PDE10A: variants seen among roughly 807,000 people sequenced by gnomAD.
PDE10A encodes the protein phosphodiesterase 10A, also known as cAMP and cAMP-inhibited cGMP 3',5'-cyclic phosphodiesterase 10A.
A neutral mutation model predicts 97.7 loss-of-function variants in PDE10A; 39 were observed. The ratio of observed to expected loss-of-function variants is 0.40; its 90% CI spans 0.31 to 0.52. The LOEUF (loss-of-function observed/expected upper bound fraction) is 0.52. Among genes scored for constraint, PDE10A ranks in the 20% least tolerant of loss-of-function variants. PDE10A has a pLI of 0.56. For synonymous variants in PDE10A, 371 were observed against 376.8 expected (o/e 0.98, Z 0.18); for missense variants, 731 against 1,047.8 (o/e 0.70, Z 4.17).
chr6:165,927,341 C>A (rs78832964), intron 1 of PDE10A, among the ~76,000 whole-genome samples: 8,352 of 151,928 alleles, frequency 0.055, 290 homozygotes, highest in Middle Eastern at 0.1. Context: ...AGCCTAAAAG[C>A]CAACAACAGA....
chr6:165,373,079 C>CAATTTTTATAT (rs1483368727), intron 18 of PDE10A, among the ~76,000 whole-genome samples: 4 of 150,084 alleles, frequency 2.7e-5, no homozygotes, highest in African/African-American at 9.9e-5. Context: ...AAAATTAATT[C>CAATTTTTATAT]AAGATGGATT....
chr6:165,897,590 T>C (rs2128483575), intron 1 of PDE10A, among the ~76,000 whole-genome samples: 1 of 151,418 alleles, frequency 6.6e-6, no homozygotes, highest in South Asian at 2.1e-4. Context: ...GTTTCAATGA[T>C]GGGATCATGG....
At chr6:165,519,173 A>T (rs1176881054) in intron 2 of PDE10A, among the ~76,000 whole-genome samples, 1 of 152,210 alleles carries the variant, frequency 6.6e-6, no homozygotes, top group Non-Finnish European at 1.5e-5. Flanking sequence ...TGCATTTGAT[A>T]GAAGAAACTG....
intron 1 of PDE10A, among the ~76,000 whole-genome samples, chr6:165,558,755 C>G (rs1784379863): frequency 6.6e-6 from 1 of 151,992 alleles, no homozygotes; most frequent in South Asian, 2.1e-4. Flanking sequence ...AATAAGGGAA[C>G]TCAAAAAACG....
intron 1 of PDE10A, among the ~76,000 whole-genome samples, chr6:165,566,949 C>T (rs1784806278): frequency 6.6e-6 from 1 of 152,138 alleles, no homozygotes; most frequent in Non-Finnish European, 1.5e-5. Context: ...AGAAATTACA[C>T]CCTTAAAAGT....
intron 16 of PDE10A, among the ~76,000 whole-genome samples, chr6:165,390,092 T>C (rs1418740764): frequency 6.6e-6 from 1 of 151,882 alleles, no homozygotes; most frequent in Non-Finnish European, 1.5e-5. Context: ...AAATTATACC[T>C]GAAAAGGGGG....
At chr6:165,536,087 C>A (rs765402607) in intron 2 of PDE10A, among the ~76,000 whole-genome samples, 1 of 151,874 alleles carries the variant, frequency 6.6e-6, no homozygotes, top group African/African-American at 2.4e-5. Context: ...CTATAGTAAC[C>A]AAAACAGCAT....
chr6:165,853,169 T>G (rs1040542455), intron 1 of PDE10A, among the ~76,000 whole-genome samples: 1 of 152,232 alleles, frequency 6.6e-6, no homozygotes, highest in African/African-American at 2.4e-5. Context: ...CCTTCTGCAA[T>G]TGAGGACGAG....
rs1037288620 is a variant in PDE10A at position 165,429,884 on chromosome 6, A to G, written c.1601+403T>C. On this transcript the variant is annotated intron_variant, in intron 9 of 21. Coordinates refer to ENST00000539869, the MANE Select transcript of PDE10A (RefSeq NM_001385079.1). ...TACTATACATGGGAAAATTTAAATA[A>G]TAATAATAATGATGCTTAATTTACT... Among the ~76,000 whole-genome samples, 12 of 152,038 alleles carry G rather than the reference A, an allele frequency of 7.9e-5. 1 individual carries two copies. The highest frequency in any genetic ancestry group is 1.6e-4 in the Non-Finnish European group (11 of 67,946).
intron 1 of PDE10A, among the ~76,000 whole-genome samples, chr6:165,705,865 A>C (rs1396862216): frequency 3.3e-5 from 5 of 152,226 alleles, no homozygotes; most frequent in African/African-American, 1.2e-4. Flanking sequence ...AAAAAGAGCT[A>C]AGATTGCTTT....
chr6:165,460,709 AT>A (rs925789574), intron 3 of PDE10A, among the ~76,000 whole-genome samples: 12 of 152,340 alleles, frequency 7.9e-5, no homozygotes, highest in African/African-American at 2.9e-4. Context: ...ACCTGGGACT[AT>A]TCAACCAATT....
At chr6:165,474,601 A>G (rs555908002) in intron 3 of PDE10A, among the ~76,000 whole-genome samples, 2 of 152,310 alleles carry the variant, frequency 1.3e-5, no homozygotes, top group East Asian at 3.9e-4. Context: ...TTACATGGGT[A>G]CATTGTGACA....
At chr6:165,360,358 T>G (rs1213654114) in intron 18 of PDE10A, among the ~76,000 whole-genome samples, 1 of 152,210 alleles carries the variant, frequency 6.6e-6, no homozygotes, top group Non-Finnish European at 1.5e-5. Flanking sequence ...TCTCCCGGAT[T>G]CTACCCAGTG....
chr6:165,702,530 C>T (rs551930346), intron 1 of PDE10A, among the ~76,000 whole-genome samples: 6 of 152,324 alleles, frequency 3.9e-5, no homozygotes, highest in African/African-American at 1.4e-4. Flanking sequence ...GAAGAAGGAA[C>T]GGTTCAGCAG....
intron 1 of PDE10A, among the ~76,000 whole-genome samples, chr6:165,594,077 C>G (rs747171788): frequency 6.6e-6 from 1 of 152,158 alleles, no homozygotes; most frequent in Non-Finnish European, 1.5e-5. Flanking sequence ...TATAACTCAT[C>G]ATTTAAATAT....
At chr6:165,764,766 G>A (rs1346441459) in intron 1 of PDE10A, among the ~76,000 whole-genome samples, 1 of 152,182 alleles carries the variant, frequency 6.6e-6, no homozygotes, top group African/African-American at 2.4e-5. Flanking sequence ...GTGAGCAGTA[G>A]CAAGATTTAT....
chr6:165,943,874 C>G (rs1455163240), intron 1 of PDE10A, among the ~76,000 whole-genome samples: 1 of 152,194 alleles, frequency 6.6e-6, no homozygotes, highest in Non-Finnish European at 1.5e-5. Flanking sequence ...ACCAGCAGTT[C>G]AAAACAACAT....
chr6:165,714,738 G>T (rs1158512706), intron 1 of PDE10A, among the ~76,000 whole-genome samples: 6 of 152,354 alleles, frequency 3.9e-5, no homozygotes, highest in African/African-American at 1.2e-4. Flanking sequence ...AAAGAAACAG[G>T]AGTCTGTGCA....
At position 165,357,642 on chromosome 6, in the gene PDE10A, A is replaced by G. The variant is rs150794822; in HGVS notation, c.2784-14140T>C. On this transcript the variant is annotated intron_variant, in intron 18 of 21. Coordinates refer to ENST00000539869, the MANE Select transcript of PDE10A (RefSeq NM_001385079.1). ...TTTATCCGGTTCATCTAAGTTTCAAATTTATTAGCATATTATTTATAATAC... is the reference window on the plus strand; with the variant it reads ...TTTATCCGGTTCATCTAAGTTTCAAGTTTATTAGCATATTATTTATAATAC... Among the ~76,000 whole-genome samples, 114 of 152,218 alleles carry G rather than the reference A, an allele frequency of 7.5e-4. 1 individual carries two copies. The highest frequency in any genetic ancestry group is 2.6e-3 in the African/African-American group (106 of 41,542).
Sources: allele counts gnomAD v4.1 joint callset (sites outside exome capture counted in the v4.1 genomes callset), GRCh38; gene constraint gnomAD v4.1.1; transcripts MANE v1.5; gene names NCBI Gene and HGNC (gene_info 2026-07-23, HGNC 2026-07-21).